OR11H4: variants seen among roughly 807,000 people sequenced by gnomAD.
OR11H4 encodes olfactory receptor 11H4.
For synonymous variants in OR11H4, 162 were observed against 142.3 expected, an observed-to-expected ratio of 1.14 and a Z score of -0.98; for missense variants, 460 against 371.1, an observed-to-expected ratio of 1.24 and a Z score of -1.97.
At chr14:20,242,341 T>C (rs1451873982) in intron 1 of OR11H4, among the ~76,000 whole-genome samples, 1 of 152,166 alleles carries the variant, frequency 6.6e-6, no homozygotes, top group Non-Finnish European at 1.5e-5. Context: ...AAACATTTTG[T>C]TAACAAGGCA....
Position 20,242,569 on chromosome 14 carries a change from T to C in OR11H4, c.-11-242T>C, listed in dbSNP as rs186372438. On this transcript the variant is annotated intron_variant, in intron 1 of 1. Coordinates refer to ENST00000641082, the MANE Select transcript of OR11H4 (RefSeq NM_001004479.2). ...GACACAGTGACAGTCTGATCTCTCT[T>C]TTCCCTACAGTGTCAAAAATTCTAG... is the stretch of plus-strand genomic sequence containing the variant. Among the ~76,000 whole-genome samples, 17 of 150,788 alleles carry C rather than the reference T, an allele frequency of 1.1e-4. No individual in the cohort carries two copies. The East Asian group carries it at 2.3e-3, about 21-fold the overall frequency.
chr14:20,241,349 G>C (rs886658013), intron 1 of OR11H4, among the ~76,000 whole-genome samples: 1 of 149,994 alleles, frequency 6.7e-6, no homozygotes, highest in Non-Finnish European at 1.5e-5. Context: ...ATTTTGTTTT[G>C]TTCAAACATC....
Position 20,244,056 on chromosome 14 carries a change from T to A in OR11H4, c.*290T>A. 4.0e-6 allele frequency: 1 copy of A among 249,178 alleles called. No individual in the cohort carries two copies. The highest frequency in any genetic ancestry group is 7.7e-6 in the Non-Finnish European group (1 of 130,546). 15.4% of individuals were successfully genotyped at this position (249,178 alleles called of 1,614,324 possible). A position where few individuals can be genotyped will look rare whatever the true frequency, so the allele number is the denominator to read the frequency against. ...GCCCCATGGTTCATCATTGTATATC[T>A]TCTTCCTCATTGCAACAAGACAATA... is the stretch of plus-strand genomic sequence containing the variant. On this transcript the variant is annotated 3_prime_UTR_variant, in exon 2 of 2. Transcript: ENST00000641082.
At chr14:20,242,367 T>A (rs1238665437) in intron 1 of OR11H4, among the ~76,000 whole-genome samples, 1 of 152,192 alleles carries the variant, frequency 6.6e-6, no homozygotes. Context: ...TGCACAGCCC[T>A]AGATCCCTTA....
chr14:20,243,736 GT>G lies in OR11H4; in HGVS notation c.918del (p.Phe306LeufsTer3). On this transcript the variant is annotated frameshift_variant, in exon 2 of 2. Transcript: ENST00000641082. LOFTEE classifies it high-confidence loss of function. ...DMKLALRNVLFGMRIRQNS is the reference protein window; with the variant it reads ...DMKLALRNVLXGMRIRQNS ...TGAAACTCGCTCTGAGAAATGTCCTGTTTGGAATGAGAATTCGTCAAAATTC... is the reference window on the plus strand; with the variant it reads ...TGAAACTCGCTCTGAGAAATGTCCTGTTGGAATGAGAATTCGTCAAAATTC... The G allele has an allele frequency of 6.3e-7, 1 of 1,584,736 alleles. No homozygotes were observed. Among genetic ancestry groups the G allele is most frequent in the Non-Finnish European group, 8.6e-7 (1 of 1,165,992 alleles).
Position 20,242,967 on chromosome 14 carries a change from T to TAGTA in OR11H4, c.146_147insAGTA (p.Arg50ValfsTer22), listed in dbSNP as rs1566371454. The TAGTA allele has an allele frequency of 6.2e-7, 1 of 1,614,084 alleles. No homozygotes were observed. Among genetic ancestry groups the TAGTA allele is most frequent in the Admixed American group, 1.7e-5 (1 of 60,022 alleles). ...GGAAATGGAGCCATCATCTATGCAG[T>TAGTA]GAGATGCAACCCACTACTACACACC... is the stretch of plus-strand genomic sequence containing the variant. On this transcript the variant is annotated frameshift_variant, in exon 2 of 2. Coordinates refer to ENST00000641082, the MANE Select transcript of OR11H4 (RefSeq NM_001004479.2). LOFTEE classifies it low-confidence loss of function (END_TRUNC).
intron 1 of OR11H4, 120 bp downstream of exon 1, chr14:20,239,451 T>C (rs1215028986): frequency 6.6e-6 from 1 of 152,410 alleles, no homozygotes; most frequent in African/African-American, 2.4e-5. Context: ...TCCCACCACT[T>C]TGGGAGGCCG....
At position 20,241,713 on chromosome 14, in the gene OR11H4, C is replaced by T. The variant is rs565311186; in HGVS notation, c.-11-1098C>T. On this transcript the variant is annotated intron_variant, in intron 1 of 1. Transcript: ENST00000641082. ...CACCAAGGACCTGCACCGGCACCGG[C>T]CTCTGAGTTCCCTCAGTTTTTATTG... Among the ~76,000 whole-genome samples the T allele has an allele frequency of 5.1e-3, 783 of 152,248 alleles. 8 individuals are homozygous for T. Among genetic ancestry groups the T allele is most frequent in the Middle Eastern group, 0.027 (8 of 294 alleles).
intron 1 of OR11H4, 116 bp from the exon 2 acceptor site, chr14:20,242,695 T>C: frequency 8.6e-7 from 1 of 1,167,242 alleles, no homozygotes; most frequent in Non-Finnish European, 1.2e-6. Flanking sequence ...GATTATCTCA[T>C]GTATTTTCCT....
chr14:20,242,418 G>A (rs1172461856), intron 1 of OR11H4, among the ~76,000 whole-genome samples: 11 of 152,288 alleles, frequency 7.2e-5, no homozygotes, highest in Non-Finnish European at 1.3e-4. Flanking sequence ...TGAGCTCCAG[G>A]TTGGGTCAAA....
At position 20,243,397 on chromosome 14, in the gene OR11H4, T is replaced by C. The variant is rs577789400; in HGVS notation, c.576T>C (p.Ala192=). The change falls in exon 2 of 2, where the codon GCT becomes GCC. Residue 192 remains alanine (A), a synonymous_variant. Coordinates refer to ENST00000641082, the MANE Select transcript of OR11H4 (RefSeq NM_001004479.2). The part of the protein sequence containing the change: ...DPLMALSCAP[A]PITECIFYTQ... The stretch of plus-strand genomic sequence containing the variant: ...TGATGGCTCTATCCTGTGCCCCAGC[T>C]CCCATAACTGAATGTATTTTCTATA... 24 of 1,614,102 alleles carry C rather than the reference T, an allele frequency of 1.5e-5. No individual in the cohort carries two copies. The East Asian group carries it at 2.9e-4, about 19-fold the overall frequency.
At chr14:20,242,093 G>C (rs1464098778) in intron 1 of OR11H4, among the ~76,000 whole-genome samples, 1 of 151,970 alleles carries the variant, frequency 6.6e-6, no homozygotes, top group Non-Finnish European at 1.5e-5. Flanking sequence ...TCAACTGCAA[G>C]AGGCTTTCCT....
At chr14:20,241,542 C>A (rs1880918348) in intron 1 of OR11H4, among the ~76,000 whole-genome samples, 2 of 152,172 alleles carry the variant, frequency 1.3e-5, no homozygotes, top group Non-Finnish European at 2.9e-5. Context: ...TTGTCTGGTT[C>A]TGCCACTAGT....
At chr14:20,242,336 T>C (rs573928608) in intron 1 of OR11H4, among the ~76,000 whole-genome samples, 1 of 152,266 alleles carries the variant, frequency 6.6e-6, no homozygotes, top group South Asian at 2.1e-4. Context: ...CTTGTAAACA[T>C]TTTGTTAACA....
At chr14:20,242,689 A>G (rs2138751537) in intron 1 of OR11H4, 122 bp from the exon 2 acceptor site, 1 of 1,114,344 alleles carries the variant, frequency 9.0e-7, no homozygotes, top group Non-Finnish European at 1.3e-6. Flanking sequence ...GTCTCAGATT[A>G]TCTCATGTAT....
rs765843613 is a variant in OR11H4, at chr14:20,243,085, G to T, written c.264G>T (p.Lys88Asn). ...ACATGCTAGTCAACATTCTCTCCAAGACCAAGGCCATCTCATTTTCTGGGT... is the reference window on the plus strand; with the variant it reads ...ACATGCTAGTCAACATTCTCTCCAATACCAAGGCCATCTCATTTTCTGGGT... ...IPNMLVNILS[K>N]TKAISFSGCF... is the part of the protein sequence containing the mutation. Residue 88 changes from lysine to asparagine, a missense_variant, in exon 2 of 2, where the codon AAG (lysine) becomes AAT (asparagine). Physicochemically the swap from Lys to Asn is moderately conservative, Grantham distance 94 (BLOSUM62 0). Coordinates refer to ENST00000641082, the MANE Select transcript of OR11H4 (RefSeq NM_001004479.2). 3 of 1,613,966 alleles carry T rather than the reference G, an allele frequency of 1.9e-6. No homozygotes were observed. The South Asian group carries it at 3.3e-5, about 18-fold the overall frequency.
intron 1 of OR11H4, among the ~76,000 whole-genome samples, chr14:20,242,384 G>A (rs931690821): frequency 6.6e-6 from 1 of 152,140 alleles, no homozygotes; most frequent in Non-Finnish European, 1.5e-5. Flanking sequence ...CTTAAACCTG[G>A]ATTTTATACA....
At chr14:20,242,140 G>C (rs1880945161) in intron 1 of OR11H4, among the ~76,000 whole-genome samples, 1 of 152,020 alleles carries the variant, frequency 6.6e-6, no homozygotes, top group Admixed American at 6.6e-5. Context: ...CCCTTTACGG[G>C]TGTCCGGCTG....
At position 20,243,889 on chromosome 14, in the gene OR11H4, T is replaced by C. The variant is rs1299766062; in HGVS notation, c.*123T>C. On this transcript the variant is annotated 3_prime_UTR_variant, in exon 2 of 2. Coordinates refer to ENST00000641082, the MANE Select transcript of OR11H4 (RefSeq NM_001004479.2). Reference sequence around the variant, plus strand: ...AGGTTGTATATTTTACCTGGAAGTGTGCCCAGCTTAAATATGTTTCCAGCA... The same window carrying C: ...AGGTTGTATATTTTACCTGGAAGTGCGCCCAGCTTAAATATGTTTCCAGCA... 3.2e-6 allele frequency: 3 copies of C among 945,860 alleles called. No individual in the cohort carries two copies. In the East Asian group the frequency reaches 7.8e-5, roughly 25 times the overall value. 58.6% of individuals were successfully genotyped at this position (945,860 alleles called of 1,614,324 possible).
Sources: gnomAD v4.1 joint callset for allele counts (sites outside exome capture counted in the v4.1 genomes callset) on GRCh38, gnomAD v4.1.1 for gene constraint, MANE v1.5 for transcripts, NCBI Gene and HGNC (gene_info 2026-07-23, HGNC 2026-07-21) for gene names.